NIBAN1: variants seen among roughly 807,000 people sequenced by gnomAD.
NIBAN1 encodes the protein niban apoptosis regulator 1, also known as protein Niban 1.
In NIBAN1, 81 loss-of-function variants were observed where a neutral mutation model predicts 75.1. The ratio of observed to expected loss-of-function variants is 1.08; its 90% CI spans 0.90 to 1.30. The LOEUF (loss-of-function observed/expected upper bound fraction) is 1.30. NIBAN1 is among the 50% of genes most tolerant of loss of function. NIBAN1 has a pLI of 0.00. For missense variants in NIBAN1, 1,133 were observed against 1,128.1 expected (o/e 1.00, Z -0.06); for synonymous variants, 436 against 424.8 (o/e 1.03, Z -0.32).
At chr1:184,920,398 A>T (rs961250039) in intron 1 of NIBAN1, among the ~76,000 whole-genome samples, 2 of 152,176 alleles carry the variant, frequency 1.3e-5, no homozygotes, top group Admixed American at 6.5e-5. Context: ...TGGGAACATT[A>T]AAAAATCCTC....
chr1:184,931,675 T>C (rs1657828895), intron 1 of NIBAN1, among the ~76,000 whole-genome samples: 1 of 152,154 alleles, frequency 6.6e-6, no homozygotes, highest in African/African-American at 2.4e-5. Flanking sequence ...TGAAGTTGAG[T>C]TGCATTTTGC....
chr1:184,852,757 T>C (rs1655574866), intron 5 of NIBAN1, among the ~76,000 whole-genome samples: 3 of 152,242 alleles, frequency 2.0e-5, no homozygotes, highest in Non-Finnish European at 4.4e-5. Context: ...TCTCCTTTTC[T>C]TCCCGCTAAA....
At position 184,901,517 on chromosome 1, in the gene NIBAN1, A is replaced by C. The variant is rs911865173; in HGVS notation, c.56-2208T>G. On this transcript the variant is annotated intron_variant, in intron 1 of 13. Coordinates refer to ENST00000367511, the MANE Select transcript of NIBAN1 (RefSeq NM_052966.4). ...GGACAGTGTGGGAATTCCCACAATG[A>C]GAACGAATCTCACTTTACTAAAACA... Among the ~76,000 whole-genome samples, 3 of 152,224 alleles carry C rather than the reference A, an allele frequency of 2.0e-5. No homozygotes were observed. The East Asian group carries it at 5.8e-4, about 29-fold the overall frequency.
chr1:184,834,492 A>G (rs192852596), intron 5 of NIBAN1, among the ~76,000 whole-genome samples: 2 of 152,174 alleles, frequency 1.3e-5, no homozygotes, highest in East Asian at 1.9e-4. Context: ...AAGCATCCCT[A>G]TTTCTCCACA....
chr1:184,798,701 T>C (rs1653945717), intron 12 of NIBAN1, among the ~76,000 whole-genome samples: 1 of 152,210 alleles, frequency 6.6e-6, no homozygotes, highest in Admixed American at 6.5e-5. Context: ...GTAAATATAC[T>C]TATGTAACCA....
intron 1 of NIBAN1, among the ~76,000 whole-genome samples, chr1:184,939,704 G>A (rs1055558762): frequency 2.6e-5 from 4 of 152,124 alleles, no homozygotes; most frequent in African/African-American, 9.7e-5. Context: ...CCTCATTTAG[G>A]AAATGGAGAT....
chr1:184,834,423 G>A (rs146243939), intron 5 of NIBAN1, among the ~76,000 whole-genome samples: 3,883 of 152,264 alleles, frequency 0.026, 160 homozygotes, highest in African/African-American at 0.089. Context: ...AGATCCTTGA[G>A]GAATCACCAC....
chr1:184,813,128 T>A (rs1654431401), intron 9 of NIBAN1, among the ~76,000 whole-genome samples: 1 of 152,188 alleles, frequency 6.6e-6, no homozygotes, highest in Non-Finnish European at 1.5e-5. Flanking sequence ...GACTCCACCA[T>A]AAAGCCAATA....
At position 184,867,221 on chromosome 1, in the gene NIBAN1, G is replaced by A. The variant is rs540381310; in HGVS notation, c.601+17412C>T. Among the ~76,000 whole-genome samples the A allele has an allele frequency of 2.0e-5, 3 of 151,598 alleles. No homozygotes were observed. The East Asian group carries it at 5.8e-4, about 29-fold the overall frequency. On this transcript the variant is annotated intron_variant, in intron 5 of 13. Transcript: ENST00000367511. Reference sequence around the variant, plus strand: ...ACACACACACACACACACCCCAAAAGTGTCTCAGCTATAATATTGCATTCA... The same window carrying A: ...ACACACACACACACACACCCCAAAAATGTCTCAGCTATAATATTGCATTCA...
At chr1:184,905,908 A>G (rs1426938850) in intron 1 of NIBAN1, among the ~76,000 whole-genome samples, 1 of 152,142 alleles carries the variant, frequency 6.6e-6, no homozygotes, top group Non-Finnish European at 1.5e-5. Flanking sequence ...GAAAGGAGAA[A>G]GGTACAGTTT....
chr1:184,868,203 ACGTTGT>A (rs113548813), intron 5 of NIBAN1: 5 of 242,950 alleles, frequency 2.1e-5, no homozygotes, highest in African/African-American at 1.2e-4. Flanking sequence ...TAACACCCAG[ACGTTGT>A]TGACTTGCAA....
At chr1:184,838,004 T>C (rs1310626880) in intron 5 of NIBAN1, among the ~76,000 whole-genome samples, 2 of 152,192 alleles carry the variant, frequency 1.3e-5, no homozygotes, top group African/African-American at 4.8e-5. Flanking sequence ...CTGAATACAA[T>C]AGACTAGGTA....
chr1:184,905,979 T>G (rs767876146), intron 1 of NIBAN1, among the ~76,000 whole-genome samples: 77 of 152,118 alleles, frequency 5.1e-4, no homozygotes, highest in African/African-American at 1.8e-3. Context: ...GGCTCATGCC[T>G]GTAATCCCAG....
At chr1:184,805,256 G>A (rs1156513694) in intron 11 of NIBAN1, among the ~76,000 whole-genome samples, 9 of 152,186 alleles carry the variant, frequency 5.9e-5, no homozygotes, top group Non-Finnish European at 4.4e-5. Flanking sequence ...AAAAATTAGT[G>A]GACTAGGTGT....
chr1:184,968,602 A>G (rs1658859053), intron 1 of NIBAN1, among the ~76,000 whole-genome samples: 1 of 152,182 alleles, frequency 6.6e-6, no homozygotes, highest in Admixed American at 6.5e-5. Flanking sequence ...TGAGACAAAT[A>G]CTATAATCTT....
At chr1:184,808,750 A>G (rs1654281774) in intron 9 of NIBAN1, among the ~76,000 whole-genome samples, 1 of 152,118 alleles carries the variant, frequency 6.6e-6, no homozygotes, top group East Asian at 1.9e-4. Flanking sequence ...TCTCTGCTAT[A>G]GGTTGCTTTA....
chr1:184,927,548 G>T (rs573023466), intron 1 of NIBAN1, among the ~76,000 whole-genome samples: 1 of 152,126 alleles, frequency 6.6e-6, no homozygotes, highest in Non-Finnish European at 1.5e-5. Flanking sequence ...CTGGGGAAGG[G>T]GTGACACAAG....
intron 1 of NIBAN1, among the ~76,000 whole-genome samples, chr1:184,951,764 A>T (rs1658364216): frequency 1.3e-5 from 2 of 151,120 alleles, no homozygotes; most frequent in Non-Finnish European, 2.9e-5. Context: ...TCTCCTCGAA[A>T]CTCCCCATGG....
Position 184,895,641 on chromosome 1 carries a change from C to A in NIBAN1, c.187-1435G>T, listed in dbSNP as rs1421761041. ...TACGTGTAACGGTGGGGACTGGGCTCCTAGTGTACCCATTACCCAAATCTT... is the reference window on the plus strand; with the variant it reads ...TACGTGTAACGGTGGGGACTGGGCTACTAGTGTACCCATTACCCAAATCTT... On this transcript the variant is annotated intron_variant, in intron 2 of 13. Coordinates refer to ENST00000367511, the MANE Select transcript of NIBAN1 (RefSeq NM_052966.4). Among the ~76,000 whole-genome samples, 4 of 152,024 alleles carry A rather than the reference C, an allele frequency of 2.6e-5. No individual in the cohort carries two copies. In the East Asian group the frequency reaches 5.8e-4, roughly 22 times the overall value.
Sources: gnomAD v4.1 joint callset for allele counts (sites outside exome capture counted in the v4.1 genomes callset) on GRCh38, gnomAD v4.1.1 for gene constraint, MANE v1.5 for transcripts, NCBI Gene and HGNC (gene_info 2026-07-23, HGNC 2026-07-21) for gene names.